OSER1: variants seen among roughly 807,000 people sequenced by gnomAD.
OSER1 encodes oxidative stress responsive serine rich 1.
Under a neutral mutation model 26.3 loss-of-function variants are expected in OSER1, and 15 were observed. The ratio of observed to expected loss-of-function variants is 0.57; its 90% CI spans 0.38 to 0.88. OSER1 has a LOEUF of 0.88. Ranked by LOEUF, OSER1 falls within the 40% of genes least tolerant of loss-of-function variation. OSER1 has a pLI of 0.00. For missense variants in OSER1, 313 were observed against 353.9 expected, an observed-to-expected ratio of 0.88 and a Z score of 0.93; for synonymous variants, 127 against 128.2, an observed-to-expected ratio of 0.99 and a Z score of 0.07.
intron 1 of OSER1, among the ~76,000 whole-genome samples, chr20:44,210,430 G>A (rs958889002): frequency 2.9e-4 from 44 of 152,266 alleles, no homozygotes; most frequent in Admixed American, 2.0e-3. Context: ...CTGGGCGGGA[G>A]ACGGCGGAGG....
rs1457108738 is a variant in OSER1, at chr20:44,197,175, G to C, written c.756C>G (p.Ser252=). ...CGAAGACTCGAGCTTGCTCAGAACA[G>C]GATCGGGGAGAGCCAGACAGAGTTC... ...HARTLSGSPR[S]CSEQARVFVD... Residue 252 remains serine (S), a synonymous_variant, in exon 4 of 4, where the codon TCC becomes TCG. Transcript: ENST00000255174. 3 of 1,614,028 alleles carry C rather than the reference G, an allele frequency of 1.9e-6. No individual in the cohort carries two copies. Among genetic ancestry groups the C allele is most frequent in the Non-Finnish European group, 1.7e-6 (2 of 1,179,952 alleles).
In OSER1 at chr20:44,196,704, T is replaced by G. The variant is rs968267208; in HGVS notation, c.*348A>C. 1.5e-5 allele frequency: 3 copies of G among 200,660 alleles called. No homozygotes were observed. The Admixed American group carries it at 1.6e-4, about 10-fold the overall frequency. 12.4% of individuals were successfully genotyped at this position (200,660 alleles called of 1,614,324 possible). Reference sequence around the variant, plus strand: ...TTACAAAATCACATTTTACTTTCCTTGGCTAGCAAACCTTAAACAAATCTG... The same window carrying G: ...TTACAAAATCACATTTTACTTTCCTGGGCTAGCAAACCTTAAACAAATCTG... On this transcript the variant is annotated 3_prime_UTR_variant, in exon 4 of 4. Transcript: ENST00000255174.
chr20:44,198,186 C>T (rs1321224401), intron 3 of OSER1, among the ~76,000 whole-genome samples: 1 of 152,166 alleles, frequency 6.6e-6, no homozygotes, highest in African/African-American at 2.4e-5. Flanking sequence ...TATGCCATTA[C>T]TATTAAATAG....
intron 3 of OSER1, among the ~76,000 whole-genome samples, chr20:44,202,678 T>G (rs555747251): frequency 6.6e-5 from 10 of 152,082 alleles, no homozygotes; most frequent in African/African-American, 2.4e-4. Context: ...AAAAAAAGGT[T>G]CCAATAACAC....
At chr20:44,204,561 AC>A (rs1277963061) in intron 2 of OSER1, among the ~76,000 whole-genome samples, 1 of 152,194 alleles carries the variant, frequency 6.6e-6, no homozygotes, top group African/African-American at 2.4e-5. Flanking sequence ...TACAGGTGGT[AC>A]ATACACAGGA....
chr20:44,202,235 G>A (rs116728424), intron 3 of OSER1, among the ~76,000 whole-genome samples: 2 of 152,094 alleles, frequency 1.3e-5, no homozygotes, highest in African/African-American at 4.8e-5. Flanking sequence ...AATTACCCGG[G>A]CATGGTGGCG....
chr20:44,201,270 T>C (rs1421734642), intron 3 of OSER1, among the ~76,000 whole-genome samples: 1 of 152,202 alleles, frequency 6.6e-6, no homozygotes, highest in Admixed American at 6.5e-5. Flanking sequence ...ACTATACCAT[T>C]CTGTCTAACA....
intron 3 of OSER1, 80 bp from the exon 4 acceptor site, chr20:44,197,819 T>C: frequency 1.1e-6 from 1 of 890,270 alleles, no homozygotes; most frequent in Non-Finnish European, 1.7e-6. Context: ...AGTAGGAAAT[T>C]TACCTTCCCT....
rs9875 is a variant in OSER1 at position 44,196,847 on chromosome 20, T to C, written c.*205A>G. On this transcript the variant is annotated 3_prime_UTR_variant, in exon 4 of 4. Coordinates refer to ENST00000255174, the MANE Select transcript of OSER1 (RefSeq NM_016470.8). Reference sequence around the variant, plus strand: ...AAATAAGGGGGATTTTTCTTTGATCTGCTCGCCTTGAAGTGTATGTAAGAA... The same window carrying C: ...AAATAAGGGGGATTTTTCTTTGATCCGCTCGCCTTGAAGTGTATGTAAGAA... The C allele has an allele frequency of 0.26, 132,898 of 509,094 alleles. 20,106 individuals carry two copies. Among genetic ancestry groups the C allele is most frequent in the Middle Eastern group, 0.33 (643 of 1,922 alleles). The allele number at this position is 509,094 out of a possible 1,614,324, so 31.5% of individuals were successfully genotyped here. A position where few individuals can be genotyped will look rare whatever the true frequency, so the allele number is the denominator to read the frequency against.
intron 2 of OSER1, among the ~76,000 whole-genome samples, chr20:44,206,188 G>A (rs373067453): frequency 6.6e-6 from 1 of 152,132 alleles, no homozygotes; most frequent in Non-Finnish European, 1.5e-5. Context: ...TAATGATGAT[G>A]ATTATTACTT....
intron 3 of OSER1, among the ~76,000 whole-genome samples, chr20:44,200,973 A>C (rs1191091272): frequency 6.6e-6 from 1 of 152,230 alleles, no homozygotes; most frequent in East Asian, 1.9e-4. Flanking sequence ...CAACTATATC[A>C]ACTCTATCTT....
At chr20:44,211,534 C>G (rs983196614), upstream of OSER1, among the ~76,000 whole-genome samples, 1 of 152,158 alleles carries the variant, frequency 6.6e-6, no homozygotes, top group African/African-American at 2.4e-5. Context: ...CTCGTGTTTT[C>G]AGGCGTAGAC....
intron 1 of OSER1, among the ~76,000 whole-genome samples, chr20:44,209,820 C>T (rs1446476615): frequency 6.6e-6 from 1 of 152,130 alleles, no homozygotes; most frequent in East Asian, 1.9e-4. Flanking sequence ...CTTCCAGGCC[C>T]CTGAGAAGAC....
chr20:44,204,570 G>A (rs1374058872), intron 2 of OSER1, among the ~76,000 whole-genome samples: 2 of 152,022 alleles, frequency 1.3e-5, no homozygotes, highest in Non-Finnish European at 2.9e-5. Flanking sequence ...TACATACACA[G>A]GATTGTTCAT....
intron 1 of OSER1, 115 bp downstream of exon 1, chr20:44,210,581 G>C (rs1221113178): frequency 6.6e-6 from 1 of 152,324 alleles, no homozygotes; most frequent in African/African-American, 2.4e-5. Flanking sequence ...AGGAGGCGTC[G>C]GGAGACGACG....
At chr20:44,200,703 G>GA (rs2072972811) in intron 3 of OSER1, among the ~76,000 whole-genome samples, 1 of 152,242 alleles carries the variant, frequency 6.6e-6, no homozygotes, top group South Asian at 2.1e-4. Flanking sequence ...ATTGATAAGA[G>GA]AATCTATGAA....
chr20:44,204,177 G>C (rs997519201), intron 2 of OSER1, among the ~76,000 whole-genome samples: 44 of 152,178 alleles, frequency 2.9e-4, no homozygotes, highest in African/African-American at 1.0e-3. Flanking sequence ...CAGATAAATA[G>C]GATATTGTTT....
intron 3 of OSER1, among the ~76,000 whole-genome samples, chr20:44,198,221 G>T (rs549645486): frequency 6.6e-6 from 1 of 152,134 alleles, no homozygotes; most frequent in Non-Finnish European, 1.5e-5. Flanking sequence ...TCTATCATTG[G>T]TAACAGCCAA....
intron 1 of OSER1, among the ~76,000 whole-genome samples, chr20:44,209,090 G>A (rs544027896): frequency 9.8e-5 from 15 of 152,310 alleles, no homozygotes; most frequent in African/African-American, 3.6e-4. Flanking sequence ...ACTGTGCTAA[G>A]AGGCTCTGAA....
Sources: allele counts gnomAD v4.1 joint callset (sites outside exome capture counted in the v4.1 genomes callset), GRCh38; gene constraint gnomAD v4.1.1; transcripts MANE v1.5; gene names NCBI Gene and HGNC (gene_info 2026-07-23, HGNC 2026-07-21).